EYS: variants seen among roughly 807,000 people sequenced by gnomAD.
EYS encodes EGF-like photoreceptor maintenance factor, also known as protein eyes shut homolog.
In EYS, 250 loss-of-function variants were observed where a neutral mutation model predicts 282.1. The observed-to-expected ratio is 0.89, with a 90% CI of 0.80 to 0.98. The LOEUF is 0.98. Among genes scored for constraint, EYS ranks in the 50% least tolerant of loss-of-function variants. The pLI is 0.00. For missense variants in EYS, 4,016 were observed against 3,709.0 expected (o/e 1.08, Z -2.15); for synonymous variants, 1,355 against 1,282.9 (o/e 1.06, Z -1.20).
chr6:64,778,782 T>C (rs1773763472), intron 22 of EYS, among the ~76,000 whole-genome samples: 1 of 152,138 alleles, frequency 6.6e-6, no homozygotes. Flanking sequence ...TAAGCATATG[T>C]AGCTATCCAC....
intron 31 of EYS, among the ~76,000 whole-genome samples, chr6:64,158,189 T>C (rs1774992020): frequency 6.6e-6 from 1 of 152,198 alleles, no homozygotes; most frequent in African/African-American, 2.4e-5. Flanking sequence ...AACTTATATT[T>C]TCTGTCTCTT....
intron 22 of EYS, among the ~76,000 whole-genome samples, chr6:64,750,828 G>A (rs936176325): frequency 2.6e-5 from 4 of 152,152 alleles, no homozygotes; most frequent in African/African-American, 4.8e-5. Context: ...GAGAAGGTGG[G>A]TGATCAGCAT....
intron 36 of EYS, among the ~76,000 whole-genome samples, chr6:63,831,040 C>T (rs1771621153): frequency 6.6e-6 from 1 of 152,178 alleles, no homozygotes; most frequent in Non-Finnish European, 1.5e-5. Context: ...ACCACCAGGC[C>T]TGCCTTACAA....
chr6:64,786,076 T>A (rs569402942), intron 22 of EYS, among the ~76,000 whole-genome samples: 5 of 152,038 alleles, frequency 3.3e-5, no homozygotes, highest in Admixed American at 1.3e-4. Context: ...GAGAGAAAAA[T>A]GGAATATTTT....
At chr6:65,049,771 C>T (rs1415313692) in intron 13 of EYS, among the ~76,000 whole-genome samples, 1 of 151,514 alleles carries the variant, frequency 6.6e-6, no homozygotes, top group Non-Finnish European at 1.5e-5. Flanking sequence ...TTTGACAATG[C>T]AAATAAAAAT....
At chr6:64,206,175 T>C (rs951548209) in intron 31 of EYS, among the ~76,000 whole-genome samples, 9 of 152,190 alleles carry the variant, frequency 5.9e-5, no homozygotes, top group Admixed American at 1.3e-4. Context: ...AATAAGTTTA[T>C]TCTATTTTAT....
At chr6:64,970,388 G>T (rs1770249222) in intron 14 of EYS, among the ~76,000 whole-genome samples, 1 of 152,124 alleles carries the variant, frequency 6.6e-6, no homozygotes, top group Admixed American at 6.5e-5. Context: ...AGTAGAGATG[G>T]GGTTTCGTCA....
Position 64,222,905 on chromosome 6 carries a change from T to A in EYS, c.6424+7687A>T, listed in dbSNP as rs370001235. Among the ~76,000 whole-genome samples the A allele has an allele frequency of 2.6e-5, 4 of 151,904 alleles. No individual in the cohort carries two copies. In the South Asian group the frequency reaches 8.3e-4, roughly 32 times the overall value. Reference sequence around the variant, plus strand: ...TTCAGTAATTTGTTTTAGTCTTATATTAAGTCCAAGAAAATTATCGGTACT... The same window carrying A: ...TTCAGTAATTTGTTTTAGTCTTATAATAAGTCCAAGAAAATTATCGGTACT... On this transcript the variant is annotated intron_variant, in intron 31 of 42. Transcript: ENST00000503581.
At chr6:64,267,591 G>GACC (rs1358036025) in intron 30 of EYS, among the ~76,000 whole-genome samples, 1 of 152,012 alleles carries the variant, frequency 6.6e-6, no homozygotes, top group Non-Finnish European at 1.5e-5. Flanking sequence ...GGCACAGAAA[G>GACC]ACCATATAGA....
At chr6:63,993,684 A>G (rs1767705445) in intron 34 of EYS, among the ~76,000 whole-genome samples, 1 of 151,934 alleles carries the variant, frequency 6.6e-6, no homozygotes, top group Non-Finnish European at 1.5e-5. Flanking sequence ...TAAGAAAAAC[A>G]CTTTACATTC....
chr6:64,488,707 T>C (rs886859950), intron 26 of EYS, among the ~76,000 whole-genome samples: 10 of 151,032 alleles, frequency 6.6e-5, no homozygotes, highest in Admixed American at 4.6e-4. Flanking sequence ...TTAAATATTC[T>C]TCAGTGAAAA....
chr6:64,008,570 T>C (rs930496143), intron 33 of EYS, among the ~76,000 whole-genome samples: 2 of 151,550 alleles, frequency 1.3e-5, no homozygotes, highest in Non-Finnish European at 2.9e-5. Context: ...CAATGGTCTA[T>C]GTGCTTAATT....
At chr6:63,875,791 T>C (rs1204590641) in intron 35 of EYS, among the ~76,000 whole-genome samples, 1 of 152,224 alleles carries the variant, frequency 6.6e-6, no homozygotes, top group Non-Finnish European at 1.5e-5. Context: ...GATGGTAGTG[T>C]GTATTTCCAT....
chr6:65,443,905 C>T (rs1768548214), intron 5 of EYS, among the ~76,000 whole-genome samples: 1 of 151,672 alleles, frequency 6.6e-6, no homozygotes, highest in African/African-American at 2.4e-5. Context: ...AGTTCCTATA[C>T]CTTTTTCTTT....
In EYS at chr6:63,806,337, C is replaced by T; in HGVS notation, c.7264G>A (p.Asp2422Asn). ...NITQPRFSGT[D>N]AFGYTSFLAY... ...AGGAATGAGGTGTATCCAAAGGCAT[C>T]TGTGCCACTGAACCTTGGCTGAGTA... The change falls in exon 37 of 43, where the codon GAT becomes AAT. Residue 2422 changes from aspartate to asparagine, a missense_variant. Transcript: ENST00000503581. 1.9e-6 allele frequency: 3 copies of T among 1,550,202 alleles called. 1 individual carries two copies.
At chr6:65,264,317 A>T (rs925630541) in intron 12 of EYS, among the ~76,000 whole-genome samples, 9 of 152,132 alleles carry the variant, frequency 5.9e-5, no homozygotes, top group Admixed American at 5.3e-4. Flanking sequence ...TCTGTTAAAT[A>T]CCCAAGTTAT....
At chr6:63,856,342 T>A (rs1177325613) in intron 36 of EYS, among the ~76,000 whole-genome samples, 1 of 152,186 alleles carries the variant, frequency 6.6e-6, no homozygotes, top group Non-Finnish European at 1.5e-5. Flanking sequence ...TCTCTCTATT[T>A]TAGACCTTTT....
chr6:64,386,386 C>T (rs1265353483), intron 29 of EYS, among the ~76,000 whole-genome samples: 2 of 152,158 alleles, frequency 1.3e-5, no homozygotes, highest in African/African-American at 2.4e-5. Flanking sequence ...AGCAAAGTCA[C>T]GTCTTATATG....
chr6:63,905,633 T>A (rs1773761552), intron 35 of EYS, among the ~76,000 whole-genome samples: 1 of 152,124 alleles, frequency 6.6e-6, no homozygotes, highest in Non-Finnish European at 1.5e-5. Context: ...CCTGGCCAAA[T>A]AAGGGGATTT....
Sources: gnomAD v4.1 joint callset for allele counts (sites outside exome capture counted in the v4.1 genomes callset) on GRCh38, gnomAD v4.1.1 for gene constraint, MANE v1.5 for transcripts, NCBI Gene and HGNC (gene_info 2026-07-23, HGNC 2026-07-21) for gene names.